The following BLOC1S6 variants were observed in gnomAD, a reference collection of about 807,000 sequenced individuals.
BLOC1S6 encodes biogenesis of lysosomal organelles complex 1 subunit 6, also known as biogenesis of lysosome-related organelles complex 1 subunit 6.
Under a neutral mutation model 24.7 loss-of-function variants are expected in BLOC1S6, and 24 were observed. The ratio of observed to expected loss-of-function variants is 0.97; its 90% CI spans 0.70 to 1.37. BLOC1S6 has a LOEUF of 1.37. Ranked by LOEUF, BLOC1S6 falls within the 40% of genes most tolerant of loss-of-function variation. The pLI, the probability that BLOC1S6 is intolerant of heterozygous loss-of-function variation, is 0.00. For missense variants in BLOC1S6, 175 were observed against 196.2 expected (o/e 0.89, Z 0.64); for synonymous variants, 76 against 72.6 (o/e 1.05, Z -0.23).
At chr15:45,593,386 GA>G (rs59495378) in intron 2 of BLOC1S6, among the ~76,000 whole-genome samples, 3,138 of 63,232 alleles carry the variant, frequency 0.05, 25 homozygotes, top group African/African-American at 0.057. Flanking sequence ...CTCTGTCTCC[GA>G]AAAAAAAAAA....
At position 45,601,027 on chromosome 15, in the gene BLOC1S6, A is replaced by G. The variant is rs757221326; in HGVS notation, c.225-2073A>G. Among the ~76,000 whole-genome samples, 89 of 152,292 alleles carry G rather than the reference A, an allele frequency of 5.8e-4. No individual in the cohort carries two copies. In the Middle Eastern group the frequency reaches 0.014, roughly 23 times the overall value. ...TTGCAACATTTTGGATTTTCAGGTTATGGATGTCAGCCTTTATACACTATG... is the reference window on the plus strand; with the variant it reads ...TTGCAACATTTTGGATTTTCAGGTTGTGGATGTCAGCCTTTATACACTATG... On this transcript the variant is annotated intron_variant, in intron 2 of 4. Transcript: ENST00000220531.
intron 2 of BLOC1S6, among the ~76,000 whole-genome samples, chr15:45,600,271 T>C (rs970457804): frequency 6.6e-6 from 1 of 151,368 alleles, no homozygotes; most frequent in Admixed American, 6.6e-5. Flanking sequence ...GCATGGCACA[T>C]GTATACATAC....
chr15:45,587,607 C>T, intron 1 of BLOC1S6, 82 bp downstream of exon 1: 2 of 1,381,024 alleles, frequency 1.4e-6, no homozygotes, highest in Non-Finnish European at 2.0e-6. Context: ...CGGAGAAACC[C>T]TGGGGGAGTA....
At chr15:45,589,294 G>A (rs905927349) in intron 1 of BLOC1S6, among the ~76,000 whole-genome samples, 1 of 152,220 alleles carries the variant, frequency 6.6e-6, no homozygotes, top group East Asian at 1.9e-4. Context: ...GCATAGATAC[G>A]CAAAGACAAT....
At position 45,601,177 on chromosome 15, in the gene BLOC1S6, G is replaced by A. The variant is rs138977922; in HGVS notation, c.225-1923G>A. On this transcript the variant is annotated intron_variant, in intron 2 of 4. Coordinates refer to ENST00000220531, the MANE Select transcript of BLOC1S6 (RefSeq NM_012388.4). ...ACTATAATAAAAGTTAAGTGAATGTGGTCTCTCTTTCAAAATATCTTATTG... is the reference window on the plus strand; with the variant it reads ...ACTATAATAAAAGTTAAGTGAATGTAGTCTCTCTTTCAAAATATCTTATTG... The A allele has an allele frequency of 3.1e-3, 481 of 154,398 alleles. 3 individuals are homozygous for A. The highest frequency in any genetic ancestry group is 0.011 in the African/African-American group (446 of 41,622). 9.6% of individuals were successfully genotyped at this position (154,398 alleles called of 1,614,324 possible). A position where few individuals can be genotyped will look rare whatever the true frequency, so the allele number is the denominator to read the frequency against.
chr15:45,605,230 G>C (rs62025224), intron 3 of BLOC1S6, among the ~76,000 whole-genome samples, 198 bp from the exon 4 acceptor site: 2,227 of 152,224 alleles, frequency 0.015, 29 homozygotes, highest in Middle Eastern at 0.02. Context: ...TTGTCAATCT[G>C]AACTAAATCA....
chr15:45,603,210 A>G (rs745404518), intron 3 of BLOC1S6, 23 bp downstream of exon 3: 1 of 1,451,694 alleles, frequency 6.9e-7, no homozygotes, highest in Non-Finnish European at 9.7e-7. Context: ...TAGTTGATGT[A>G]ATTTAATGAC....
chr15:45,587,858 C>A (rs994541652), intron 1 of BLOC1S6: 1 of 674,930 alleles, frequency 1.5e-6, no homozygotes, highest in South Asian at 1.6e-5. Context: ...GAAAGATGAT[C>A]AGCTTATAAT....
intron 2 of BLOC1S6, among the ~76,000 whole-genome samples, chr15:45,600,497 G>A (rs1894236085): frequency 6.6e-6 from 1 of 152,048 alleles, no homozygotes; most frequent in Admixed American, 6.6e-5. Flanking sequence ...GTTTGTTGAT[G>A]GTTTATAGTC....
intron 2 of BLOC1S6, among the ~76,000 whole-genome samples, chr15:45,599,956 A>T (rs1894209882): frequency 6.7e-6 from 1 of 150,296 alleles, no homozygotes; most frequent in South Asian, 2.1e-4. Context: ...GATAGACTGG[A>T]TTAAGAAAAT....
At chr15:45,587,157 C>T (rs1893700125), upstream of BLOC1S6, 1 of 509,166 alleles carries the variant, frequency 2.0e-6, no homozygotes, top group Non-Finnish European at 3.6e-6. Context: ...CGACCACCGT[C>T]CTCCCCCAGC....
intron 2 of BLOC1S6, among the ~76,000 whole-genome samples, chr15:45,602,697 C>A (rs1894312146): frequency 6.6e-6 from 1 of 152,172 alleles, no homozygotes; most frequent in Non-Finnish European, 1.5e-5. Flanking sequence ...ATCTTCCTCA[C>A]CTCTAATCTG....
At chr15:45,594,047 T>C (rs1268290885) in intron 2 of BLOC1S6, among the ~76,000 whole-genome samples, 1 of 152,072 alleles carries the variant, frequency 6.6e-6, no homozygotes, top group Admixed American at 6.6e-5. Context: ...TCCCCATCTC[T>C]CCACAAATTT....
Position 45,605,411 on chromosome 15 carries a change from T to A in BLOC1S6, c.313-17T>A. 6.3e-7 allele frequency: 1 copy of A among 1,582,830 alleles called. No individual in the cohort carries two copies. The highest frequency in any genetic ancestry group is 8.7e-7 in the Non-Finnish European group (1 of 1,152,712). Reference sequence around the variant, plus strand: ...GTCTATTTTAACTTGACTTTTCATTTATTTTTCCATGTTAAGTTTGCTGAG... The same window carrying A: ...GTCTATTTTAACTTGACTTTTCATTAATTTTTCCATGTTAAGTTTGCTGAG... On this transcript the variant is annotated splice_polypyrimidine_tract_variant and intron_variant, in intron 3 of 4. Coordinates refer to ENST00000220531, the MANE Select transcript of BLOC1S6 (RefSeq NM_012388.4).
chr15:45,600,100 A>G (rs1435715143), intron 2 of BLOC1S6, among the ~76,000 whole-genome samples: 3 of 144,942 alleles, frequency 2.1e-5, no homozygotes, highest in African/African-American at 7.7e-5. Flanking sequence ...CAAACACCGC[A>G]TATTCTCACT....
rs1397452777 is a variant in BLOC1S6 at position 45,608,472 on chromosome 15, GGTT to G, written c.*1962_*1964del. The G allele has an allele frequency of 6.6e-6, 1 of 152,186 alleles. No individual in the cohort carries two copies. Among genetic ancestry groups the G allele is most frequent in the African/African-American group, 2.4e-5 (1 of 41,444 alleles). 9.4% of individuals were successfully genotyped at this position (152,186 alleles called of 1,614,324 possible). A position where few individuals can be genotyped will look rare whatever the true frequency, so the allele number is the denominator to read the frequency against. ...TGAGTCATTTGGGACCAACTGCAGT[GGTT>G]GTTTAAAATGCTGGTTCCTGCACAC... On this transcript the variant is annotated 3_prime_UTR_variant, in exon 5 of 5. Coordinates refer to ENST00000220531, the MANE Select transcript of BLOC1S6 (RefSeq NM_012388.4).
chr15:45,587,400 G>T lies in BLOC1S6; in HGVS notation c.-44G>T, dbSNP rs916640458. ...CGTTAGGTGCCGCCTTGCTTCTGAC[G>T]AGCCACACGTTTGCTTCTTCCCTGT... On this transcript the variant is annotated 5_prime_UTR_variant, in exon 1 of 5. Transcript: ENST00000220531. The T allele has an allele frequency of 7.9e-6, 12 of 1,526,534 alleles. No homozygotes were observed. In the African/African-American group the frequency reaches 1.2e-4, roughly 16 times the overall value. 94.6% of individuals were successfully genotyped at this position (1,526,534 alleles called of 1,614,324 possible). A position where few individuals can be genotyped will look rare whatever the true frequency, so the allele number is the denominator to read the frequency against.
In BLOC1S6 at chr15:45,608,740, A is replaced by G. The variant is rs1343862942; in HGVS notation, c.*2226A>G. On this transcript the variant is annotated 3_prime_UTR_variant, in exon 5 of 5. Coordinates refer to ENST00000220531, the MANE Select transcript of BLOC1S6 (RefSeq NM_012388.4). ...GTGGATCCTACGTATTTTTTAAAAA[A>G]CTCTCCAGATAATTTTGATGTCACG... 6.6e-6 allele frequency: 1 copy of G among 151,110 alleles called. No individual in the cohort carries two copies. Among genetic ancestry groups the G allele is most frequent in the Non-Finnish European group, 1.5e-5 (1 of 67,828 alleles). 9.4% of individuals were successfully genotyped at this position (151,110 alleles called of 1,614,324 possible). A position where few individuals can be genotyped will look rare whatever the true frequency, so the allele number is the denominator to read the frequency against.
chr15:45,606,709 G>A lies in BLOC1S6; in HGVS notation c.*195G>A. ...CATGGTTTTTGATATTTATATGTAA[G>A]TTTTTCAAATTTTGCTTAATTTTAA... On this transcript the variant is annotated 3_prime_UTR_variant, in exon 5 of 5. Coordinates refer to ENST00000220531, the MANE Select transcript of BLOC1S6 (RefSeq NM_012388.4). 1.6e-6 allele frequency: 1 copy of A among 640,264 alleles called. No homozygotes were observed. Among genetic ancestry groups the A allele is most frequent in the Admixed American group, 3.5e-5 (1 of 28,596 alleles). The allele number at this position is 640,264 out of a possible 1,614,324, so 39.7% of individuals were successfully genotyped here.
Sources: allele counts gnomAD v4.1 joint callset (sites outside exome capture counted in the v4.1 genomes callset), GRCh38; gene constraint gnomAD v4.1.1; transcripts MANE v1.5; gene names NCBI Gene and HGNC (gene_info 2026-07-23, HGNC 2026-07-21).